PPFIA2: variants seen among roughly 807,000 people sequenced by gnomAD.
The protein encoded by PPFIA2 is liprin-alpha-2.
In PPFIA2, 46 loss-of-function variants were observed where a neutral mutation model predicts 175.5. The ratio of observed to expected loss-of-function variants is 0.26; its 90% CI spans 0.21 to 0.34. The LOEUF is 0.34. PPFIA2 is among the 10% of genes least tolerant of loss of function. PPFIA2 has a pLI of 1.00. For synonymous variants in PPFIA2, 568 were observed against 511.4 expected, an observed-to-expected ratio of 1.11 and a Z score of -1.49; for missense variants, 1,179 against 1,506.1, an observed-to-expected ratio of 0.78 and a Z score of 3.60.
intron 7 of PPFIA2, among the ~76,000 whole-genome samples, chr12:81,431,621 T>C (rs2048112275): frequency 6.6e-6 from 1 of 152,218 alleles, no homozygotes; most frequent in Admixed American, 6.5e-5. Context: ...AAATAATACC[T>C]GTGGTCTACT....
At chr12:81,691,562 A>G (rs2075249776) in intron 3 of PPFIA2, among the ~76,000 whole-genome samples, 1 of 152,138 alleles carries the variant, frequency 6.6e-6, no homozygotes, top group Non-Finnish European at 1.5e-5. Context: ...GGAATTAGTC[A>G]CCAATACTAA....
chr12:81,510,862 T>A (rs181282067), intron 4 of PPFIA2, among the ~76,000 whole-genome samples: 2 of 152,268 alleles, frequency 1.3e-5, no homozygotes, highest in African/African-American at 4.8e-5. Flanking sequence ...TCTGAAATCA[T>A]GTTCACCCAC....
intron 10 of PPFIA2, 38 bp downstream of exon 10, chr12:81,375,758 G>A (rs768418759): frequency 1.5e-5 from 23 of 1,552,532 alleles, no homozygotes; most frequent in Middle Eastern, 1.7e-4. Context: ...TGATGAGAAC[G>A]CACAGACCAG....
chr12:81,486,852 A>G (rs2058875948), intron 4 of PPFIA2, among the ~76,000 whole-genome samples: 1 of 151,900 alleles, frequency 6.6e-6, no homozygotes, highest in South Asian at 2.1e-4. Flanking sequence ...TTTTTTGATG[A>G]GGAAATAAAA....
At chr12:81,394,997 A>G (rs2142401166) in intron 8 of PPFIA2, among the ~76,000 whole-genome samples, 1 of 152,190 alleles carries the variant, frequency 6.6e-6, no homozygotes, top group East Asian at 1.9e-4. Flanking sequence ...TACAAGCTTT[A>G]TATGTCTTGG....
intron 8 of PPFIA2, among the ~76,000 whole-genome samples, chr12:81,385,525 T>G (rs2142035919): frequency 6.6e-6 from 1 of 152,240 alleles, no homozygotes; most frequent in Non-Finnish European, 1.5e-5. Flanking sequence ...CCTATTCAGT[T>G]TCTAAGAAGA....
intron 4 of PPFIA2, among the ~76,000 whole-genome samples, chr12:81,582,203 C>T (rs1416301880): frequency 6.6e-6 from 1 of 151,830 alleles, no homozygotes; most frequent in Admixed American, 6.6e-5. Context: ...ACAGGTTTCT[C>T]ACCAGACATG....
At chr12:81,322,213 G>T (rs2053812394) in intron 22 of PPFIA2, among the ~76,000 whole-genome samples, 1 of 151,990 alleles carries the variant, frequency 6.6e-6, no homozygotes, top group South Asian at 2.1e-4. Flanking sequence ...GCTAAGAATG[G>T]GAAATACGTT....
At chr12:81,503,308 G>T (rs2060790392) in intron 4 of PPFIA2, among the ~76,000 whole-genome samples, 1 of 151,526 alleles carries the variant, frequency 6.6e-6, no homozygotes. Flanking sequence ...CTGATATCCA[G>T]ATCTGCTCAT....
intron 5 of PPFIA2, among the ~76,000 whole-genome samples, chr12:81,447,619 A>G (rs1250940991): frequency 1.3e-5 from 2 of 152,148 alleles, no homozygotes; most frequent in African/African-American, 4.8e-5. Context: ...TCTTCAGAAT[A>G]TTTTATGATA....
intron 4 of PPFIA2, among the ~76,000 whole-genome samples, chr12:81,506,520 G>A (rs1188089075): frequency 1.3e-5 from 2 of 152,040 alleles, no homozygotes; most frequent in Non-Finnish European, 2.9e-5. Flanking sequence ...ACAGTATTTG[G>A]TATATACAAA....
intron 4 of PPFIA2, among the ~76,000 whole-genome samples, chr12:81,520,080 G>C (rs1284804186): frequency 6.6e-6 from 1 of 152,174 alleles, no homozygotes; most frequent in Non-Finnish European, 1.5e-5. Context: ...ATGTCTATGT[G>C]ATAAGATGGA....
chr12:81,540,226 C>T (rs192509180), intron 4 of PPFIA2, among the ~76,000 whole-genome samples: 2 of 152,056 alleles, frequency 1.3e-5, no homozygotes, highest in Admixed American at 1.3e-4. Context: ...AACACCAAAC[C>T]AGGGAATAAA....
chr12:81,597,602 C>T (rs1253983657), intron 4 of PPFIA2, among the ~76,000 whole-genome samples: 2 of 151,998 alleles, frequency 1.3e-5, no homozygotes, highest in South Asian at 2.1e-4. Context: ...ACTCTTTCTG[C>T]GACGCACAAG....
At chr12:81,549,583 C>T (rs747753962) in intron 4 of PPFIA2, among the ~76,000 whole-genome samples, 5 of 151,894 alleles carry the variant, frequency 3.3e-5, no homozygotes, top group South Asian at 2.1e-4. Context: ...ACAACCTGGT[C>T]GCTCCAATGT....
At chr12:81,293,512 A>G (rs1052450350) in intron 24 of PPFIA2, among the ~76,000 whole-genome samples, 1 of 152,150 alleles carries the variant, frequency 6.6e-6, no homozygotes, top group African/African-American at 2.4e-5. Context: ...AAAAGAACAC[A>G]TACAAGTGTC....
intron 7 of PPFIA2, among the ~76,000 whole-genome samples, chr12:81,415,955 TA>T (rs1324356544): frequency 6.6e-6 from 1 of 151,542 alleles, no homozygotes; most frequent in East Asian, 1.9e-4. Context: ...TCATTTATTT[TA>T]ACCATCTATG....
chr12:81,535,654 C>T (rs546977973), intron 4 of PPFIA2: 2 of 304,734 alleles, frequency 6.6e-6, no homozygotes, highest in South Asian at 5.7e-5. Context: ...CACACACACA[C>T]ACAAAACTAG....
intron 4 of PPFIA2, among the ~76,000 whole-genome samples, chr12:81,626,319 T>C (rs2062701022): frequency 6.6e-6 from 1 of 151,988 alleles, no homozygotes; most frequent in African/African-American, 2.4e-5. Flanking sequence ...ATCAAAGGAA[T>C]ATTTTCTTCT....
Sources: gnomAD v4.1 joint callset for allele counts (sites outside exome capture counted in the v4.1 genomes callset) on GRCh38, gnomAD v4.1.1 for gene constraint, MANE v1.5 for transcripts, NCBI Gene and HGNC (gene_info 2026-07-23, HGNC 2026-07-21) for gene names.